The following KCNMB2 variants were observed in gnomAD, a reference collection of about 807,000 sequenced individuals.
KCNMB2 encodes the protein calcium-activated potassium channel subunit beta-2.
A neutral mutation model predicts 24.5 loss-of-function variants in KCNMB2; 9 were observed. The observed-to-expected ratio is 0.37, with a 90% CI of 0.22 to 0.64. The LOEUF (loss-of-function observed/expected upper bound fraction) is 0.64, where lower values mean the gene tolerates loss of function less well. Ranked by LOEUF, KCNMB2 falls within the 30% of genes least tolerant of loss-of-function variation. The probability of loss-of-function intolerance (pLI) is 0.63; values close to 1 mark genes in which losing one functional copy is unlikely to be tolerated. For synonymous variants in KCNMB2, 109 were observed against 104.4 expected (o/e 1.04, Z -0.27); for missense variants, 226 against 284.3 (o/e 0.79, Z 1.47).
chr3:178,667,695 C>G (rs1720767337), intron 1 of KCNMB2, among the ~76,000 whole-genome samples: 2 of 151,244 alleles, frequency 1.3e-5, no homozygotes, highest in East Asian at 3.9e-4. Flanking sequence ...GGATTTCCAG[C>G]CTCTGGAATG....
chr3:178,727,321 T>G (rs1053207637), intron 1 of KCNMB2, among the ~76,000 whole-genome samples: 1 of 152,096 alleles, frequency 6.6e-6, no homozygotes. Flanking sequence ...CTCAAATAAA[T>G]TGTCACTCCC....
At chr3:178,566,963 T>C (rs1025812254) in intron 1 of KCNMB2, among the ~76,000 whole-genome samples, 2 of 152,244 alleles carry the variant, frequency 1.3e-5, no homozygotes, top group Non-Finnish European at 2.9e-5. Flanking sequence ...CTTTTGTAGC[T>C]GTAGGTACTG....
intron 2 of KCNMB2, chr3:178,824,771 G>A (rs1050700711): frequency 1.3e-5 from 2 of 152,200 alleles, no homozygotes; most frequent in African/African-American, 4.8e-5. Flanking sequence ...GCAGGCGACT[G>A]GGGATCAGAA....
At chr3:178,722,027 C>T (rs537277801) in intron 1 of KCNMB2, among the ~76,000 whole-genome samples, 6 of 152,202 alleles carry the variant, frequency 3.9e-5, no homozygotes, top group African/African-American at 1.4e-4. Context: ...ATTCTCTTAA[C>T]AGAGTCTTTT....
At chr3:178,769,251 T>C (rs1179519672) in intron 1 of KCNMB2, among the ~76,000 whole-genome samples, 1 of 152,342 alleles carries the variant, frequency 6.6e-6, no homozygotes, top group African/African-American at 2.4e-5. Context: ...ATGGTGTAAA[T>C]GGATTTTCAG....
intron 1 of KCNMB2, among the ~76,000 whole-genome samples, chr3:178,653,247 A>AT (rs1480310774): frequency 6.6e-6 from 1 of 152,002 alleles, no homozygotes. Flanking sequence ...ATAATATCAT[A>AT]TTTTCTATCT....
At chr3:178,790,683 C>T (rs1365961599) in intron 1 of KCNMB2, among the ~76,000 whole-genome samples, 1 of 152,190 alleles carries the variant, frequency 6.6e-6, no homozygotes, top group Non-Finnish European at 1.5e-5. Context: ...TGGATCCAGT[C>T]CAGTGCAGTC....
At chr3:178,842,592 C>G (rs994961108) in intron 4 of KCNMB2, 61 bp from the exon 5 acceptor site, 3 of 1,119,772 alleles carry the variant, frequency 2.7e-6, no homozygotes, top group Admixed American at 2.0e-5. Context: ...TACTCCACCC[C>G]CTCCTAGAGT....
intron 1 of KCNMB2, among the ~76,000 whole-genome samples, chr3:178,546,145 C>A (rs1715765040): frequency 6.6e-6 from 1 of 151,866 alleles, no homozygotes; most frequent in Non-Finnish European, 1.5e-5. Flanking sequence ...TAACATATAC[C>A]CAAATATGAG....
At chr3:178,643,790 C>T (rs1433487351) in intron 1 of KCNMB2, among the ~76,000 whole-genome samples, 2 of 152,106 alleles carry the variant, frequency 1.3e-5, no homozygotes, top group South Asian at 2.1e-4. Flanking sequence ...ACACACGTTG[C>T]CTTCTTCTTC....
chr3:178,723,413 A>C (rs1722870578), intron 1 of KCNMB2, among the ~76,000 whole-genome samples: 1 of 152,222 alleles, frequency 6.6e-6, no homozygotes, highest in African/African-American at 2.4e-5. Flanking sequence ...TCAGCAAATA[A>C]AATAGGCAGA....
chr3:178,823,222 G>A (rs924583564), intron 2 of KCNMB2, among the ~76,000 whole-genome samples: 1 of 152,206 alleles, frequency 6.6e-6, no homozygotes, highest in Non-Finnish European at 1.5e-5. Flanking sequence ...AAGAAACACA[G>A]AGGGTGGGTG....
chr3:178,711,141 T>C (rs1722440244), intron 1 of KCNMB2, among the ~76,000 whole-genome samples: 1 of 152,142 alleles, frequency 6.6e-6, no homozygotes, highest in African/African-American at 2.4e-5. Context: ...CTTTTTACAG[T>C]TGAGAAAAAG....
intron 1 of KCNMB2, among the ~76,000 whole-genome samples, chr3:178,723,704 A>G (rs1248790190): frequency 6.6e-6 from 1 of 152,066 alleles, no homozygotes; most frequent in Non-Finnish European, 1.5e-5. Context: ...TGTATACCCA[A>G]TGTTTAGCTC....
At chr3:178,549,620 T>A (rs1224425128) in intron 1 of KCNMB2, among the ~76,000 whole-genome samples, 1 of 152,086 alleles carries the variant, frequency 6.6e-6, no homozygotes, top group East Asian at 1.9e-4. Flanking sequence ...AACCACCATG[T>A]CAGGCTGCCT....
At chr3:178,811,453 T>A (rs1275426359) in intron 2 of KCNMB2, among the ~76,000 whole-genome samples, 1 of 152,166 alleles carries the variant, frequency 6.6e-6, no homozygotes, top group South Asian at 2.1e-4. Flanking sequence ...GGAGACTTCA[T>A]GTAAATGGAA....
rs1373636921 is a variant in KCNMB2, at chr3:178,828,202, C to T, written c.252C>T (p.Cys84=). ...MQSVWTEESQ[C]TLLNASITET... ...GCGTGTGGACCGAAGAGTCTCAATG[C>T]ACCTTGCTGAATGCGTCCATCACGG... is the stretch of plus-strand genomic sequence containing the variant. The change falls in exon 4 of 5, where the codon TGC becomes TGT. Residue 84 remains cysteine (C), a synonymous_variant. Coordinates refer to ENST00000452583, the MANE Select transcript of KCNMB2 (RefSeq NM_181361.3). 4 of 1,613,810 alleles carry T rather than the reference C, an allele frequency of 2.5e-6. No individual in the cohort carries two copies. Among genetic ancestry groups the T allele is most frequent in the Non-Finnish European group, 3.4e-6 (4 of 1,179,788 alleles).
intron 1 of KCNMB2, among the ~76,000 whole-genome samples, chr3:178,566,903 A>G (rs2108470910): frequency 6.6e-6 from 1 of 152,320 alleles, no homozygotes; most frequent in East Asian, 1.9e-4. Context: ...AGCAAAACAC[A>G]TTGATGTTGG....
chr3:178,805,538 T>C (rs1244689014), intron 1 of KCNMB2, among the ~76,000 whole-genome samples: 1 of 152,210 alleles, frequency 6.6e-6, no homozygotes. Context: ...AGACCAGCAA[T>C]ATCAGCATCG....
Sources: gnomAD v4.1 joint callset for allele counts (sites outside exome capture counted in the v4.1 genomes callset) on GRCh38, gnomAD v4.1.1 for gene constraint, MANE v1.5 for transcripts, NCBI Gene and HGNC (gene_info 2026-07-23, HGNC 2026-07-21) for gene names.